Variants in PPP2R2D observed in about 807,000 individuals in gnomAD.
PPP2R2D encodes the protein serine/threonine-protein phosphatase 2A 55 kDa regulatory subunit B delta isoform.
In PPP2R2D, 9 loss-of-function variants were observed where a neutral mutation model predicts 31.1. The observed-to-expected ratio is 0.29, with a 90% CI of 0.17 to 0.51. The LOEUF is 0.51. Ranked by LOEUF, PPP2R2D falls within the 20% of genes least tolerant of loss-of-function variation. The probability of loss-of-function intolerance (pLI) is 0.98; values close to 1 mark genes in which losing one functional copy is unlikely to be tolerated. For missense variants in PPP2R2D, 391 were observed against 465.6 expected (o/e 0.84, Z 1.48); for synonymous variants, 179 against 172.6 (o/e 1.04, Z -0.29).
intron 2 of PPP2R2D, among the ~76,000 whole-genome samples, chr10:131,915,195 A>C (rs2035756047): frequency 6.6e-6 from 1 of 152,058 alleles, no homozygotes; most frequent in Non-Finnish European, 1.5e-5. Flanking sequence ...CTAGATTTAA[A>C]AGAAAGCAAA....
At position 131,932,668 on chromosome 10, in the gene PPP2R2D, A is replaced by AAAAAC. The variant is rs1564817994; in HGVS notation, c.101-1790_101-1789insAAAAC. On this transcript the variant is annotated intron_variant, in intron 2 of 8. Coordinates refer to ENST00000455566, the MANE Select transcript of PPP2R2D (RefSeq NM_018461.5). ...TCTCAAAAAAAAAAAAAAAAAAAAAACACACAAAAAAAACCTAACTTGGTG... is the reference window on the plus strand; with the variant it reads ...TCTCAAAAAAAAAAAAAAAAAAAAAAAAAACCACACAAAAAAAACCTAACTTGGTG... 4.0e-5 allele frequency among the ~76,000 whole-genome samples: 5 copies of AAAAAC among 126,552 alleles called. No homozygotes were observed. In the South Asian group the frequency reaches 1.2e-3, roughly 30 times the overall value. 83.0% of individuals were successfully genotyped at this position (126,552 alleles called of 152,430 possible).
chr10:131,928,316 C>T (rs1438345292), intron 2 of PPP2R2D, among the ~76,000 whole-genome samples: 3 of 152,138 alleles, frequency 2.0e-5, no homozygotes, highest in South Asian at 2.1e-4. Context: ...AGTGGCCTCG[C>T]GAGCAGCACC....
At position 131,906,775 on chromosome 10, in the gene PPP2R2D, G is replaced by A. The variant is rs1302389077; in HGVS notation, c.100+5445G>A. ...GTCTCTACCAAAAAAAAAAAAAAAA[G>A]AAAGAAATTCGGGACGTTTGCCAGG... On this transcript the variant is annotated intron_variant, in intron 2 of 8. Transcript: ENST00000455566. Among the ~76,000 whole-genome samples, 1,119 of 139,086 alleles carry A rather than the reference G, an allele frequency of 8.0e-3. 7 individuals carry two copies. Among genetic ancestry groups the A allele is most frequent in the African/African-American group, 0.016 (603 of 37,100 alleles). The allele number at this position is 139,086 out of a possible 152,430, so 91.2% of individuals were successfully genotyped here. A position where few individuals can be genotyped will look rare whatever the true frequency, so the allele number is the denominator to read the frequency against.
At chr10:131,935,834 T>A (rs782789602) in intron 3 of PPP2R2D, among the ~76,000 whole-genome samples, 3 of 152,010 alleles carry the variant, frequency 2.0e-5, no homozygotes, top group Non-Finnish European at 4.4e-5. Context: ...GAGGCCGAGG[T>A]GGGCTGATCA....
intron 8 of PPP2R2D, among the ~76,000 whole-genome samples, chr10:131,954,096 G>A (rs1319488651): frequency 1.3e-5 from 2 of 152,150 alleles, no homozygotes; most frequent in Non-Finnish European, 1.5e-5. Flanking sequence ...ATGTGCTTAC[G>A]CCTGTGTCTC....
the PPP2R2D span, chr10:131,968,656 T>C: frequency 1.6e-6 from 2 of 1,214,688 alleles, no homozygotes; most frequent in African/African-American, 1.5e-5. Context: ...TCACTGTGGT[T>C]AGAGCTTATG....
At chr10:131,971,268 C>A in the PPP2R2D span, 3 of 414,666 alleles carry the variant, frequency 7.2e-6, no homozygotes, top group Non-Finnish European at 4.5e-6. Flanking sequence ...CTGACAGCGG[C>A]AAACACTGTC....
At chr10:131,946,486 G>A (rs139892849) in intron 7 of PPP2R2D, among the ~76,000 whole-genome samples, 84 of 152,292 alleles carry the variant, frequency 5.5e-4, no homozygotes, top group Non-Finnish European at 9.3e-4. Flanking sequence ...GTGTGCAGCA[G>A]CCTTTTCGCC....
rs563518789 is a variant in PPP2R2D at position 131,956,166 on chromosome 10, G to A, written c.*203G>A. 3.3e-5 allele frequency: 41 copies of A among 1,234,104 alleles called. No individual in the cohort carries two copies. Among genetic ancestry groups the A allele is most frequent in the Middle Eastern group, 6.2e-4 (2 of 3,212 alleles). 76.4% of individuals were successfully genotyped at this position (1,234,104 alleles called of 1,614,324 possible). Reference sequence around the variant, plus strand: ...GCGCGAGACAGGCGCTGCTGCTCACGTGGAGACGCTCTCGAAGCAGAGTTG... The same window carrying A: ...GCGCGAGACAGGCGCTGCTGCTCACATGGAGACGCTCTCGAAGCAGAGTTG... On this transcript the variant is annotated 3_prime_UTR_variant, in exon 9 of 9. Transcript: ENST00000455566.
At chr10:131,949,003 T>C (rs1035283199) in intron 8 of PPP2R2D, among the ~76,000 whole-genome samples, 15 of 152,170 alleles carry the variant, frequency 9.9e-5, no homozygotes, top group Non-Finnish European at 1.5e-4. Context: ...AGCTACATCA[T>C]GATCTGTAAA....
intron 2 of PPP2R2D, among the ~76,000 whole-genome samples, chr10:131,904,311 A>C (rs2035548564): frequency 1.3e-5 from 2 of 151,972 alleles, no homozygotes; most frequent in Admixed American, 1.3e-4. Flanking sequence ...GGAGATCGAG[A>C]CCATCCTGGC....
chr10:131,937,835 G>A (rs1450477317), intron 3 of PPP2R2D, among the ~76,000 whole-genome samples: 1 of 152,176 alleles, frequency 6.6e-6, no homozygotes, highest in Non-Finnish European at 1.5e-5. Context: ...CTGTTGAGGG[G>A]CTGTGCTTTT....
intron 2 of PPP2R2D, among the ~76,000 whole-genome samples, chr10:131,917,148 G>A (rs2119780504): frequency 6.8e-6 from 1 of 147,496 alleles, no homozygotes; most frequent in African/African-American, 2.5e-5. Context: ...ATGACACAGT[G>A]TAGGGACCTC....
intron 6 of PPP2R2D, among the ~76,000 whole-genome samples, chr10:131,944,623 G>C (rs2036502186): frequency 6.6e-6 from 1 of 152,182 alleles, no homozygotes; most frequent in Admixed American, 6.5e-5. Flanking sequence ...CAGCAGCCGG[G>C]AGCATGGGGC....
chr10:131,937,286 C>G (rs758197839), intron 3 of PPP2R2D, among the ~76,000 whole-genome samples: 1 of 152,168 alleles, frequency 6.6e-6, no homozygotes, highest in Non-Finnish European at 1.5e-5. Context: ...TTAAGTCTTA[C>G]AGGAAAGCCC....
chr10:131,945,273 T>G lies in PPP2R2D; in HGVS notation c.656-22T>G, dbSNP rs181941019. On this transcript the variant is annotated intron_variant, in intron 6 of 8. Coordinates refer to ENST00000455566, the MANE Select transcript of PPP2R2D (RefSeq NM_018461.5). This position sits in a 1 kb window ranked among gnomAD's most constrained non-coding sequence, Gnocchi z 4.8. ...TAACAACCAGCTGAGCTGAGCACTG[T>G]GCCTTAACCATGCACTCCCAGACAT... 4.4e-6 allele frequency: 7 copies of G among 1,607,130 alleles called. No individual in the cohort carries two copies. In the African/African-American group the frequency reaches 9.3e-5, roughly 21 times the overall value.
intron 2 of PPP2R2D, among the ~76,000 whole-genome samples, chr10:131,903,734 A>G (rs1250091532): frequency 1.3e-5 from 2 of 152,194 alleles, no homozygotes; most frequent in African/African-American, 2.4e-5. Flanking sequence ...TAACACATTT[A>G]TAAGTCACCA....
At chr10:131,971,163 C>G in the PPP2R2D span, 2 of 593,396 alleles carry the variant, frequency 3.4e-6, no homozygotes, top group Non-Finnish European at 6.0e-6. Context: ...ACTCCCGGCT[C>G]ACAGCACGCT....
At chr10:131,932,801 G>A (rs1422173031) in intron 2 of PPP2R2D, among the ~76,000 whole-genome samples, 3 of 152,058 alleles carry the variant, frequency 2.0e-5, no homozygotes, top group South Asian at 2.1e-4. Flanking sequence ...TTGTAATTTT[G>A]TGTATTTAGT....
Sources: allele counts gnomAD v4.1 joint callset (sites outside exome capture counted in the v4.1 genomes callset), GRCh38; gene constraint gnomAD v4.1.1; non-coding constraint Gnocchi (gnomAD v3.1); transcripts MANE v1.5; gene names NCBI Gene and HGNC (gene_info 2026-07-23, HGNC 2026-07-21).